The following WWC2 variants were observed in gnomAD, a reference collection of about 807,000 sequenced individuals.
WWC2 encodes the protein protein WWC2.
WWC2 carries 101 observed loss-of-function variants against 138.5 expected under a neutral mutation model. That is an observed-to-expected ratio of 0.73 (90% CI 0.62 to 0.86). The LOEUF is 0.86. Ranked by LOEUF, WWC2 falls within the 40% of genes least tolerant of loss-of-function variation. WWC2 has a pLI of 0.00. For missense variants in WWC2, 1,420 were observed against 1,419.4 expected (o/e 1.00, Z -0.01); for synonymous variants, 558 against 538.4 (o/e 1.04, Z -0.50).
At chr4:183,230,371 ATAAAAT>A (rs1280990743) in intron 4 of WWC2, among the ~76,000 whole-genome samples, 2 of 150,876 alleles carry the variant, frequency 1.3e-5, no homozygotes, top group African/African-American at 5.0e-5. Context: ...AAGAAGATAA[ATAAAAT>A]TAAAAGCAAA....
At chr4:183,207,551 T>A (rs1180298007) in intron 2 of WWC2, among the ~76,000 whole-genome samples, 4 of 152,116 alleles carry the variant, frequency 2.6e-5, no homozygotes, top group African/African-American at 9.7e-5. Context: ...GTAGACCAAC[T>A]TTGATTAGTG....
intron 1 of WWC2, among the ~76,000 whole-genome samples, chr4:183,148,083 C>T (rs1357803359): frequency 6.6e-6 from 1 of 152,156 alleles, no homozygotes; most frequent in Admixed American, 6.5e-5. Context: ...CTCTGCTTTA[C>T]CTCCCGAGTA....
intron 1 of WWC2, among the ~76,000 whole-genome samples, chr4:183,101,544 CAG>C (rs1461292036): frequency 1.3e-5 from 2 of 152,160 alleles, no homozygotes; most frequent in African/African-American, 4.8e-5. Context: ...TTCTGGATCT[CAG>C]AGTTTTAAAA....
chr4:183,310,286 T>C (rs183306319), intron 21 of WWC2, among the ~76,000 whole-genome samples: 2 of 152,038 alleles, frequency 1.3e-5, no homozygotes, highest in East Asian at 3.9e-4. Flanking sequence ...AGTGGGAGAG[T>C]TTATACATGA....
chr4:183,167,855 T>G (rs1210113766), intron 1 of WWC2, among the ~76,000 whole-genome samples: 3 of 90,154 alleles, frequency 3.3e-5, no homozygotes, highest in African/African-American at 4.5e-5. Context: ...CATGGAAGTT[T>G]GTGATTTTTT....
At position 183,277,912 on chromosome 4, in the gene WWC2, T is replaced by C. The variant is rs1405280467; in HGVS notation, c.2563-2864T>C. Among the ~76,000 whole-genome samples, 8 of 151,372 alleles carry C rather than the reference T, an allele frequency of 5.3e-5. No homozygotes were observed. The East Asian group carries it at 5.8e-4, about 11-fold the overall frequency. ...AGATGAGTAGGTTGCAAAAATTTTC[T>C]CCCATTTTGTAGGTTGCCTGTTCAC... On this transcript the variant is annotated intron_variant, in intron 16 of 22. Coordinates refer to ENST00000403733, the MANE Select transcript of WWC2 (RefSeq NM_024949.6).
At chr4:183,164,953 A>T (rs970951759) in intron 1 of WWC2, among the ~76,000 whole-genome samples, 1 of 152,230 alleles carries the variant, frequency 6.6e-6, no homozygotes, top group African/African-American at 2.4e-5. Flanking sequence ...AATAATAACT[A>T]ATAGTAATAA....
At chr4:183,110,989 T>C (rs1732213501) in intron 1 of WWC2, among the ~76,000 whole-genome samples, 1 of 152,042 alleles carries the variant, frequency 6.6e-6, no homozygotes, top group African/African-American at 2.4e-5. Flanking sequence ...CCTGTAATCC[T>C]AGCACTTTGG....
At position 183,157,230 on chromosome 4, in the gene WWC2, A is replaced by G. The variant is rs1733830608; in HGVS notation, c.132-36369A>G. Among the ~76,000 whole-genome samples, 2 of 152,222 alleles carry G rather than the reference A, an allele frequency of 1.3e-5. 1 individual carries two copies. The highest frequency in any genetic ancestry group is 4.1e-4 in the South Asian group (2 of 4,834). ...AATTTGACATTTTTGAAGAACACAG[A>G]TCACTTAATTGGGTCCTCAATTCGT... On this transcript the variant is annotated intron_variant, in intron 1 of 22. Transcript: ENST00000403733.
intron 21 of WWC2, among the ~76,000 whole-genome samples, chr4:183,302,484 C>T (rs1342546066): frequency 6.6e-6 from 1 of 152,162 alleles, no homozygotes; most frequent in Non-Finnish European, 1.5e-5. Flanking sequence ...CTACCCACCA[C>T]CTTTAGACCT....
At chr4:183,145,780 T>C (rs1733435835) in intron 1 of WWC2, among the ~76,000 whole-genome samples, 1 of 152,238 alleles carries the variant, frequency 6.6e-6, no homozygotes, top group South Asian at 2.1e-4. Context: ...TTGTTTGATC[T>C]GAACTTAACT....
intron 15 of WWC2, chr4:183,269,964 T>A (rs1329603983): frequency 1.3e-5 from 2 of 152,964 alleles, no homozygotes; most frequent in African/African-American, 4.8e-5. Context: ...CAGAAAACAA[T>A]GTGAGTCTCC....
intron 1 of WWC2, among the ~76,000 whole-genome samples, chr4:183,155,129 TGGTA>T (rs57865408): frequency 0.98 from 148,980 of 151,768 alleles, 73,173 homozygotes; most frequent in Middle Eastern, 1. Context: ...AGTTAGAACT[TGGTA>T]GGGCTGTCAT....
At chr4:183,265,537 C>T (rs754697524) in intron 12 of WWC2, 151 bp from the exon 13 acceptor site, 78 of 812,136 alleles carry the variant, frequency 9.6e-5, no homozygotes, top group Non-Finnish European at 1.2e-4. Flanking sequence ...GCCTCTGAAA[C>T]AGTAAGCTTT....
intron 21 of WWC2, among the ~76,000 whole-genome samples, chr4:183,291,865 G>T (rs1738462510): frequency 6.6e-6 from 1 of 151,932 alleles, no homozygotes; most frequent in African/African-American, 2.4e-5. Flanking sequence ...CAAAATTAAT[G>T]AAGAGAATAT....
At chr4:183,110,792 AGAGG>A (rs1400634453) in intron 1 of WWC2, among the ~76,000 whole-genome samples, 2 of 152,204 alleles carry the variant, frequency 1.3e-5, no homozygotes, top group African/African-American at 4.8e-5. Context: ...TGGAAGGCAA[AGAGG>A]CTTTCCTTTG....
chr4:183,193,193 G>C (rs926506884), intron 1 of WWC2, among the ~76,000 whole-genome samples: 1 of 152,200 alleles, frequency 6.6e-6, no homozygotes, highest in Non-Finnish European at 1.5e-5. Context: ...TCTGAAATTA[G>C]TGTAACCTGA....
rs1345341083 is a variant in WWC2, at chr4:183,111,989, C to T, written c.131+12367C>T. On this transcript the variant is annotated intron_variant, in intron 1 of 22. Transcript: ENST00000403733. ...CTGGGATTACAGGCGTGAGCCACCA[C>T]GCCCAGCCAGATCATTTACTTTTTT... is the stretch of plus-strand genomic sequence containing the variant. 7.2e-5 allele frequency among the ~76,000 whole-genome samples: 11 copies of T among 152,234 alleles called. 1 individual carries two copies. The East Asian group carries it at 1.2e-3, about 16-fold the overall frequency.
chr4:183,237,559 A>G (rs1736466302), intron 4 of WWC2, among the ~76,000 whole-genome samples: 1 of 152,186 alleles, frequency 6.6e-6, no homozygotes, highest in Non-Finnish European at 1.5e-5. Flanking sequence ...TCCCCAAGCC[A>G]TAAGTAATCC....
Sources: gnomAD v4.1 joint callset for allele counts (sites outside exome capture counted in the v4.1 genomes callset) on GRCh38, gnomAD v4.1.1 for gene constraint, MANE v1.5 for transcripts, NCBI Gene and HGNC (gene_info 2026-07-23, HGNC 2026-07-21) for gene names.